The following SLC9A8 variants were observed in gnomAD, a reference collection of about 807,000 sequenced individuals.
SLC9A8 encodes sodium/hydrogen exchanger 8.
In SLC9A8, 48 loss-of-function variants were observed where a neutral mutation model predicts 66.6. That is an observed-to-expected ratio of 0.72 (90% CI 0.57 to 0.92). SLC9A8 has a LOEUF of 0.92. Among genes scored for constraint, SLC9A8 ranks in the 40% least tolerant of loss-of-function variants. The probability of loss-of-function intolerance (pLI) is 0.00; values close to 1 mark genes in which losing one functional copy is unlikely to be tolerated. For synonymous variants in SLC9A8, 274 were observed against 282.6 expected (o/e 0.97, Z 0.31); for missense variants, 599 against 747.3 (o/e 0.80, Z 2.31).
At chr20:49,863,164 A>T (rs572940671) in intron 9 of SLC9A8, 97 bp downstream of exon 9, 1 of 1,171,148 alleles carries the variant, frequency 8.5e-7, no homozygotes, top group African/African-American at 1.6e-5. Flanking sequence ...GGCCAATTTT[A>T]GATGAAGATT....
intron 3 of SLC9A8, chr20:49,830,215 G>A (rs1600662755): frequency 2.4e-6 from 2 of 829,464 alleles, no homozygotes; most frequent in South Asian, 2.6e-5. Context: ...GTGAATGGCA[G>A]CATCACAGAC....
At chr20:49,884,229 C>CGCG (rs1405968373) in intron 14 of SLC9A8, 163 bp downstream of exon 14, 46 of 222,580 alleles carry the variant, frequency 2.1e-4, no homozygotes, top group Middle Eastern at 1.9e-3. Flanking sequence ...CACACACACA[C>CGCG]ACACACACAC....
At chr20:49,849,210 T>A (rs2088138369) in intron 5 of SLC9A8, among the ~76,000 whole-genome samples, 2 of 152,066 alleles carry the variant, frequency 1.3e-5, no homozygotes, top group Admixed American at 1.3e-4. Flanking sequence ...GTCGAATCAT[T>A]CAGGGTGGGG....
At chr20:49,865,382 C>T (rs1179298784) in intron 10 of SLC9A8, among the ~76,000 whole-genome samples, 1 of 152,060 alleles carries the variant, frequency 6.6e-6, no homozygotes, top group African/African-American at 2.4e-5. Flanking sequence ...TAATGTTGGG[C>T]GTTTATTGGA....
intron 4 of SLC9A8, among the ~76,000 whole-genome samples, chr20:49,843,310 A>G (rs1277853135): frequency 6.6e-6 from 1 of 152,150 alleles, no homozygotes; most frequent in African/African-American, 2.4e-5. Flanking sequence ...TTTTTCACAC[A>G]GTCCCAGTCT....
At chr20:49,864,528 T>C (rs1171592547) in intron 9 of SLC9A8, among the ~76,000 whole-genome samples, 1 of 152,244 alleles carries the variant, frequency 6.6e-6, no homozygotes, top group Non-Finnish European at 1.5e-5. Context: ...TTTACATTTC[T>C]TAGTGTTTTG....
intron 10 of SLC9A8, among the ~76,000 whole-genome samples, chr20:49,866,518 A>C (rs1379818457): frequency 6.6e-6 from 1 of 152,198 alleles, no homozygotes; most frequent in Admixed American, 6.5e-5. Flanking sequence ...TATTGCCACC[A>C]CACTTATTTT....
At chr20:49,873,771 C>CAAAAAAAAAAAAAAAAAAAAAAAAAA (rs35613935) in intron 10 of SLC9A8, among the ~76,000 whole-genome samples, 1 of 60,228 alleles carries the variant, frequency 1.7e-5, no homozygotes, top group African/African-American at 6.8e-5. Context: ...AACTCCGTCT[C>CAAAAAAAAAAAAAAAAAAAAAAAAAA]AAAAAAAAAA....
At chr20:49,878,982 A>G (rs2089531266) in intron 12 of SLC9A8, among the ~76,000 whole-genome samples, 1 of 152,048 alleles carries the variant, frequency 6.6e-6, no homozygotes. Context: ...AGATCATGCC[A>G]TTTGCACCCC....
chr20:49,842,559 A>G (rs1353505013), intron 4 of SLC9A8, among the ~76,000 whole-genome samples: 2 of 152,136 alleles, frequency 1.3e-5, no homozygotes, highest in African/African-American at 4.8e-5. Context: ...GGTGTCTTGG[A>G]TTTATTTGGG....
At position 49,888,043 on chromosome 20, in the gene SLC9A8, A is replaced by G. The variant is rs2089954516; in HGVS notation, c.*107A>G. ...ATGCGTGCATCCAGCAGCCCCTTCA[A>G]GACATAAGAGGGCGGGGCGAGGTAC... On this transcript the variant is annotated 3_prime_UTR_variant, in exon 16 of 16. Coordinates refer to ENST00000361573, the MANE Select transcript of SLC9A8 (RefSeq NM_015266.3). 2.3e-6 allele frequency: 2 copies of G among 867,490 alleles called. No homozygotes were observed. The highest frequency in any genetic ancestry group is 2.1e-5 in the Admixed American group (1 of 48,434). 53.7% of individuals were successfully genotyped at this position (867,490 alleles called of 1,614,324 possible). A position where few individuals can be genotyped will look rare whatever the true frequency, so the allele number is the denominator to read the frequency against.
At chr20:49,855,110 G>A (rs2146636420) in intron 7 of SLC9A8, among the ~76,000 whole-genome samples, 1 of 152,298 alleles carries the variant, frequency 6.6e-6, no homozygotes, top group Middle Eastern at 3.4e-3. Context: ...GGGCCATTTG[G>A]CTCTAGCTGC....
At chr20:49,868,829 G>C (rs2089079642) in intron 10 of SLC9A8, among the ~76,000 whole-genome samples, 1 of 152,174 alleles carries the variant, frequency 6.6e-6, no homozygotes, top group Non-Finnish European at 1.5e-5. Flanking sequence ...CCACTGCTGG[G>C]GTGGCCAGAA....
chr20:49,835,739 G>A (rs1037188262), intron 3 of SLC9A8, among the ~76,000 whole-genome samples: 2 of 136,126 alleles, frequency 1.5e-5, no homozygotes, highest in African/African-American at 2.8e-5. Flanking sequence ...AGGCTGGAGT[G>A]CAGTGCTACA....
At chr20:49,850,120 C>T (rs1283023118) in intron 6 of SLC9A8, among the ~76,000 whole-genome samples, 1 of 152,138 alleles carries the variant, frequency 6.6e-6, no homozygotes, top group East Asian at 1.9e-4. Context: ...ATAATAAAAT[C>T]AAAGGTGATG....
chr20:49,813,392 C>T (rs970129907), intron 1 of SLC9A8, among the ~76,000 whole-genome samples: 1 of 152,166 alleles, frequency 6.6e-6, no homozygotes, highest in Non-Finnish European at 1.5e-5. Context: ...TAACTGTTAG[C>T]CATCTACTCA....
chr20:49,831,009 A>C, intron 3 of SLC9A8: 1 of 743,928 alleles, frequency 1.3e-6, no homozygotes, highest in Non-Finnish European at 2.5e-6. Context: ...GCTGCAGCCA[A>C]CCAGGTGTAC....
At chr20:49,813,016 T>C (rs2086410106) in intron 1 of SLC9A8, 68 bp downstream of exon 1, 12 of 1,301,146 alleles carry the variant, frequency 9.2e-6, no homozygotes, top group African/African-American at 1.6e-5. Context: ...AGCGAGCGCC[T>C]CAGGCCGCCC....
intron 3 of SLC9A8, chr20:49,829,522 CA>C (rs796458184): frequency 0.081 from 17,980 of 222,110 alleles, no homozygotes; most frequent in South Asian, 0.16. Flanking sequence ...GACTCCATCT[CA>C]AAAAAAAAAA....
Sources: gnomAD v4.1 joint callset for allele counts (sites outside exome capture counted in the v4.1 genomes callset) on GRCh38, gnomAD v4.1.1 for gene constraint, MANE v1.5 for transcripts, NCBI Gene and HGNC (gene_info 2026-07-23, HGNC 2026-07-21) for gene names.